Variants in DNAAF9 observed in about 807,000 individuals in gnomAD.
The protein encoded by DNAAF9 is shulin.
In DNAAF9, 90 loss-of-function variants were observed where a neutral mutation model predicts 167.0. The ratio of observed to expected loss-of-function variants is 0.54; its 90% CI spans 0.45 to 0.64. The LOEUF (loss-of-function observed/expected upper bound fraction) is 0.64, where lower values mean the gene tolerates loss of function less well. Ranked by LOEUF, DNAAF9 falls within the 30% of genes least tolerant of loss-of-function variation. DNAAF9 has a pLI of 0.00. For synonymous variants in DNAAF9, 491 were observed against 508.8 expected, an observed-to-expected ratio of 0.96 and a Z score of 0.47; for missense variants, 1,315 against 1,442.2, an observed-to-expected ratio of 0.91 and a Z score of 1.43.
chr20:3,279,709 G>A (rs1600696872), intron 28 of DNAAF9, among the ~76,000 whole-genome samples: 1 of 152,186 alleles, frequency 6.6e-6, no homozygotes, highest in East Asian at 1.9e-4. Flanking sequence ...TGTGCCTCAG[G>A]TATCTAACAG....
chr20:3,358,065 T>C (rs2083312499), intron 7 of DNAAF9, among the ~76,000 whole-genome samples: 1 of 152,056 alleles, frequency 6.6e-6, no homozygotes, highest in African/African-American at 2.4e-5. Flanking sequence ...GTTATATTTT[T>C]GTTCTTGAGG....
At chr20:3,401,926 A>G (rs2083992471) in intron 1 of DNAAF9, among the ~76,000 whole-genome samples, 1 of 152,216 alleles carries the variant, frequency 6.6e-6, no homozygotes, top group South Asian at 2.1e-4. Flanking sequence ...AAGATGGTAG[A>G]AGGGACGCCA....
intron 20 of DNAAF9, among the ~76,000 whole-genome samples, chr20:3,313,453 GAAC>G (rs772936538): frequency 4.6e-5 from 7 of 152,324 alleles, no homozygotes; most frequent in Non-Finnish European, 1.0e-4. Context: ...TCAACAAGAA[GAAC>G]AAATCATCCA....
rs191030735 is a variant in DNAAF9 at position 3,371,551 on chromosome 20, C to G, written c.612+2497G>C. On this transcript the variant is annotated intron_variant, in intron 6 of 36. Transcript: ENST00000252032. ...GTAGAGACGGGGTTTCACCGTGTTA[C>G]CCAGGATGGTCTCGATCTGCTGACC... is the stretch of plus-strand genomic sequence containing the variant. 6.7e-4 allele frequency among the ~76,000 whole-genome samples: 102 copies of G among 151,814 alleles called. No individual in the cohort carries two copies. The East Asian group carries it at 0.015, about 22-fold the overall frequency.
Position 3,255,194 on chromosome 20 carries a change from G to A in DNAAF9, c.3327+25C>T, listed in dbSNP as rs201343772. 9.7e-5 allele frequency: 146 copies of A among 1,497,468 alleles called. No individual in the cohort carries two copies. The African/African-American group carries it at 1.6e-3, about 16-fold the overall frequency. 92.8% of individuals were successfully genotyped at this position (1,497,468 alleles called of 1,614,324 possible). Reference sequence around the variant, plus strand: ...CGAGGACAGCCCTGGGCCACCGAGGGGAGAAGCCAGGGCAAGGCACTCACG... The same window carrying A: ...CGAGGACAGCCCTGGGCCACCGAGGAGAGAAGCCAGGGCAAGGCACTCACG... On this transcript the variant is annotated intron_variant, in intron 35 of 36. Coordinates refer to ENST00000252032, the MANE Select transcript of DNAAF9 (RefSeq NM_001009984.3).
chr20:3,401,057 A>G (rs1001745924), intron 1 of DNAAF9, among the ~76,000 whole-genome samples: 1 of 151,110 alleles, frequency 6.6e-6, no homozygotes, highest in African/African-American at 2.5e-5. Context: ...GACCATCTGT[A>G]CCGTAGTTAT....
chr20:3,296,053 C>CAGATGAGGGT, intron 23 of DNAAF9: 1 of 854,060 alleles, frequency 1.2e-6, no homozygotes, highest in Non-Finnish European at 2.0e-6. Context: ...GGTAGTAACC[C>CAGATGAGGGT]TCATCTGGAG....
chr20:3,296,216 C>T, intron 23 of DNAAF9: 1 of 524,128 alleles, frequency 1.9e-6, no homozygotes, highest in South Asian at 1.5e-5. Flanking sequence ...CTGCAGTGAG[C>T]CAGGACCGCA....
intron 6 of DNAAF9, among the ~76,000 whole-genome samples, chr20:3,373,742 T>A (rs962402957): frequency 6.6e-6 from 1 of 152,004 alleles, no homozygotes; most frequent in Non-Finnish European, 1.5e-5. Context: ...AATAACAGGA[T>A]CATAAAAGCT....
chr20:3,295,703 C>A (rs568471693), intron 23 of DNAAF9: 12 of 560,922 alleles, frequency 2.1e-5, no homozygotes, highest in Admixed American at 2.1e-4. Flanking sequence ...GGCCTGCAAC[C>A]GTCCCCTTTT....
At position 3,318,331 on chromosome 20, in the gene DNAAF9, A is replaced by G. The variant is rs1240110723; in HGVS notation, c.1426T>C (p.Ser476Pro). Residue 476 changes from serine to proline, a missense_variant, in exon 17 of 37, where the codon TCT becomes CCT. Around this residue, in one of 2 missense-constraint regions of DNAAF9, gnomAD observed 981 missense variants for 1,012.5 expected, o/e 0.97. Transcript: ENST00000252032. Reference protein sequence around the residue: ...GNGCLGSVVFSESFLTSQILV... With the variant: ...GNGCLGSVVFPESFLTSQILV... Reference sequence around the variant, plus strand: ...ATCTGAGAAGTCAAAAATGATTCAGAGAAAACCACAGATCCTAAACAACCA... The same window carrying G: ...ATCTGAGAAGTCAAAAATGATTCAGGGAAAACCACAGATCCTAAACAACCA... 3 of 1,601,970 alleles carry G rather than the reference A, an allele frequency of 1.9e-6. No homozygotes were observed. Among genetic ancestry groups the G allele is most frequent in the Non-Finnish European group, 2.6e-6 (3 of 1,169,280 alleles).
intron 29 of DNAAF9, among the ~76,000 whole-genome samples, chr20:3,277,131 C>A (rs1221055191): frequency 6.6e-6 from 1 of 152,234 alleles, no homozygotes; most frequent in Non-Finnish European, 1.5e-5. Context: ...TCTGCACCTG[C>A]TGGCTTCCAG....
At chr20:3,334,957 C>T (rs2069908593) in intron 10 of DNAAF9, among the ~76,000 whole-genome samples, 1 of 152,222 alleles carries the variant, frequency 6.6e-6, no homozygotes, top group Non-Finnish European at 1.5e-5. Context: ...TCATCTAGCA[C>T]AGTGACTGGC....
chr20:3,317,360 CAAAAAA>C (rs756394932), intron 17 of DNAAF9, among the ~76,000 whole-genome samples: 3,107 of 99,536 alleles, frequency 0.031, 107 homozygotes, highest in African/African-American at 0.098. Flanking sequence ...GACCTTGTCT[CAAAAAA>C]AAAAAAAAAA....
chr20:3,382,822 T>C (rs1037037761), intron 1 of DNAAF9, among the ~76,000 whole-genome samples: 2 of 152,214 alleles, frequency 1.3e-5, no homozygotes, highest in Non-Finnish European at 2.9e-5. Flanking sequence ...ACTCAGCAGC[T>C]GACTCCAAGA....
chr20:3,295,327 A>AT (rs968591349), intron 23 of DNAAF9, among the ~76,000 whole-genome samples: 1 of 151,426 alleles, frequency 6.6e-6, no homozygotes, highest in Non-Finnish European at 1.5e-5. Context: ...TTACAGGCGC[A>AT]TATCACCATG....
At chr20:3,272,675 TG>T (rs2068614662) in intron 29 of DNAAF9, among the ~76,000 whole-genome samples, 1 of 152,244 alleles carries the variant, frequency 6.6e-6, no homozygotes, top group Non-Finnish European at 1.5e-5. Context: ...GCCAATTTTT[TG>T]TAAAATATAA....
intron 6 of DNAAF9, among the ~76,000 whole-genome samples, chr20:3,373,773 G>T (rs2083540687): frequency 6.6e-6 from 1 of 152,118 alleles, no homozygotes; most frequent in East Asian, 1.9e-4. Context: ...TCAATCTAGG[G>T]GGCTACAGGA....
intron 1 of DNAAF9, among the ~76,000 whole-genome samples, chr20:3,390,058 T>C (rs1257571926): frequency 6.8e-6 from 1 of 146,944 alleles, no homozygotes; most frequent in Non-Finnish European, 1.5e-5. Context: ...AAAAGAAAAA[T>C]GGAAACATCT....
Sources: allele counts gnomAD v4.1 joint callset (sites outside exome capture counted in the v4.1 genomes callset), GRCh38; gene constraint gnomAD v4.1.1; regional missense constraint gnomAD v4.1.1; transcripts MANE v1.5; gene names NCBI Gene and HGNC (gene_info 2026-07-23, HGNC 2026-07-21).